ALG10: variants seen among roughly 807,000 people sequenced by gnomAD.
The protein encoded by ALG10 is ALG10 alpha-1,2-glucosyltransferase.
Under a neutral mutation model 39.2 loss-of-function variants are expected in ALG10, and 25 were observed. The ratio of observed to expected loss-of-function variants is 0.64; its 90% CI spans 0.46 to 0.89. ALG10 has a LOEUF of 0.89. ALG10 is among the 40% of genes least tolerant of loss of function. The probability of loss-of-function intolerance (pLI) is 0.00; values close to 1 mark genes in which losing one functional copy is unlikely to be tolerated. For missense variants in ALG10, 486 were observed against 546.6 expected (o/e 0.89, Z 1.11); for synonymous variants, 184 against 193.9 (o/e 0.95, Z 0.42).
intron 2 of ALG10, 99 bp from the exon 3 acceptor site, chr12:34,025,764 G>A: frequency 1.4e-6 from 2 of 1,399,196 alleles, no homozygotes; most frequent in South Asian, 1.2e-5. Flanking sequence ...GAAGGTTTGA[G>A]TAGTTGAGTA....
At position 34,026,677 on chromosome 12, in the gene ALG10, G is replaced by A; in HGVS notation, c.1184G>A (p.Trp395Ter). Reference sequence around the variant, plus strand: ...TCATTGAAATCAAAGTCAATTTTTTGGAATTTAATGTTTTTCATATGCTTG... The same window carrying A: ...TCATTGAAATCAAAGTCAATTTTTTAGAATTTAATGTTTTTCATATGCTTG... Reference protein sequence around the residue: ...ADSLKSKSIFWNLMFFICLFT... With the variant: ...ADSLKSKSIF The change falls in exon 3 of 3, where the codon TGG becomes TAG. Residue 395 changes from tryptophan (W) to a stop codon, truncating the protein, a stop_gained. Coordinates refer to ENST00000266483, the MANE Select transcript of ALG10 (RefSeq NM_032834.4). LOFTEE classifies it high-confidence loss of function. 1 of 1,613,510 alleles carries A rather than the reference G, an allele frequency of 6.2e-7. No homozygotes were observed.
rs1160860911 is a variant in ALG10, at chr12:34,026,546, T to C, written c.1053T>C (p.Asn351=). Residue 351 remains asparagine (N), a synonymous_variant, in exon 3 of 3, where the codon AAT becomes AAC. Coordinates refer to ENST00000266483, the MANE Select transcript of ALG10 (RefSeq NM_032834.4). The part of the protein sequence containing the change: ...TYAHKYLLAD[N]RHYTFYVWKR... ...CTCATAAATACTTGCTAGCAGACAA[T>C]AGACATTATACTTTCTATGTGTGGA... 4.3e-6 allele frequency: 7 copies of C among 1,613,812 alleles called. No homozygotes were observed. Among genetic ancestry groups the C allele is most frequent in the South Asian group, 1.1e-5 (1 of 91,024 alleles).
In ALG10 at chr12:34,026,943, T is replaced by C. The variant is rs1195395427; in HGVS notation, c.*28T>C. The C allele has an allele frequency of 6.2e-7, 1 of 1,605,940 alleles. No homozygotes were observed. The highest frequency in any genetic ancestry group is 8.5e-7 in the Non-Finnish European group (1 of 1,175,486). ...TCAGTGATATTTCGAACTGTGAAAA[T>C]GGACTTAATAATTAGACCATTTCTA... On this transcript the variant is annotated 3_prime_UTR_variant, in exon 3 of 3. Transcript: ENST00000266483.
At position 34,026,493 on chromosome 12, in the gene ALG10, G is replaced by A; in HGVS notation, c.1000G>A (p.Val334Met). 1 of 1,613,630 alleles carries A rather than the reference G, an allele frequency of 6.2e-7. No individual in the cohort carries two copies. Among genetic ancestry groups the A allele is most frequent in the Non-Finnish European group, 8.5e-7 (1 of 1,179,910 alleles). ...ILFFVVTLVS[V>M]FLVWKFTYAH... ...GTTTTTTGTGGTTACCTTAGTCTCT[G>A]TGTTTTTAGTTTGGAAATTCACTTA... Residue 334 changes from valine (V) to methionine (M), a missense_variant, in exon 3 of 3, where the codon GTG (valine) becomes ATG (methionine). Physicochemically the swap from Val to Met is conservative, Grantham distance 21 (BLOSUM62 1). Coordinates refer to ENST00000266483, the MANE Select transcript of ALG10 (RefSeq NM_032834.4).
Position 34,022,583 on chromosome 12 carries a change from T to C in ALG10, c.-17T>C. 2 of 1,614,048 alleles carry C rather than the reference T, an allele frequency of 1.2e-6. No homozygotes were observed. Among genetic ancestry groups the C allele is most frequent in the Non-Finnish European group, 1.7e-6 (2 of 1,179,964 alleles). On this transcript the variant is annotated 5_prime_UTR_variant, in exon 1 of 3. Transcript: ENST00000266483. ...TTTCCAGGAGTAGGTTCTTGGGCAG[T>C]GGCTGTGGGAGCTGGAATGGCGCAG...
intron 1 of ALG10, 56 bp downstream of exon 1, chr12:34,022,826 C>A (rs887023725): frequency 6.2e-7 from 1 of 1,610,270 alleles, no homozygotes; most frequent in African/African-American, 1.3e-5. Context: ...CCCAGCGTCC[C>A]CACGTCCTCC....
chr12:34,024,711 A>C (rs1942813072), intron 2 of ALG10, among the ~76,000 whole-genome samples: 1 of 152,226 alleles, frequency 6.6e-6, no homozygotes, highest in Non-Finnish European at 1.5e-5. Flanking sequence ...AAACTTAATA[A>C]ATGGAAGATG....
intron 2 of ALG10, 47 bp downstream of exon 2, chr12:34,024,206 A>C: frequency 6.3e-7 from 1 of 1,586,066 alleles, no homozygotes. Flanking sequence ...AGTCAGGTCC[A>C]CAATTACAAT....
chr12:34,024,063 C>T lies in ALG10; in HGVS notation c.273C>T (p.Cys91=). ...WIFGWSEHVV[C]SIGMLRFVNL... is the part of the protein sequence containing the mutation. ...TTGGATGGTCTGAACATGTTGTCTG[C>T]TCCATTGGGATGCTCAGATTTGTTA... is the stretch of plus-strand genomic sequence containing the variant. The change falls in exon 2 of 3, where the codon TGC becomes TGT. Residue 91 remains cysteine, a synonymous_variant. Coordinates refer to ENST00000266483, the MANE Select transcript of ALG10 (RefSeq NM_032834.4). The T allele has an allele frequency of 1.2e-6, 2 of 1,614,174 alleles. No homozygotes were observed. The highest frequency in any genetic ancestry group is 1.1e-5 in the South Asian group (1 of 91,086).
chr12:34,022,721 A>G lies in ALG10; in HGVS notation c.122A>G (p.His41Arg). Residue 41 changes from histidine (H) to arginine (R), a missense_variant, in exon 1 of 3, where the codon CAC becomes CGC. Physicochemically the swap from His to Arg is conservative, Grantham distance 29 (BLOSUM62 0). Transcript: ENST00000266483. ...GAGCCCTACATGGACGAGATCTTCC[A>G]CCTGCCTCAGGCGCAGCGCTACTGT... is the stretch of plus-strand genomic sequence containing the variant. ...LREPYMDEIF[H>R]LPQAQRYCEG... The G allele has an allele frequency of 6.2e-7, 1 of 1,613,922 alleles. No homozygotes were observed. Among genetic ancestry groups the G allele is most frequent in the Non-Finnish European group, 8.5e-7 (1 of 1,179,968 alleles).
intron 2 of ALG10, among the ~76,000 whole-genome samples, chr12:34,025,459 T>C (rs58046597): frequency 0.012 from 1,772 of 152,310 alleles, 38 homozygotes; most frequent in African/African-American, 0.039. Context: ...TGGTTCATTA[T>C]GGCTAAGTGA....
intron 1 of ALG10, 26 bp downstream of exon 1, chr12:34,022,796 C>T (rs1451677650): frequency 1.9e-6 from 3 of 1,613,872 alleles, no homozygotes; most frequent in Admixed American, 3.3e-5. Context: ...TGTCCCCACC[C>T]CAGGAGAGGC....
chr12:34,025,981 C>T lies in ALG10; in HGVS notation c.488C>T (p.Ala163Val), dbSNP rs769926406. 44 of 1,613,728 alleles carry T rather than the reference C, an allele frequency of 2.7e-5. No individual in the cohort carries two copies. Among genetic ancestry groups the T allele is most frequent in the Non-Finnish European group, 3.6e-5 (42 of 1,179,936 alleles). ...GGATCTATGTTTTTTACTCTTTTTG[C>T]GTATTTGATGTGTCTTTATGGAAAT... ...EAGSMFFTLF[A>V]YLMCLYGNHK... is the part of the protein sequence containing the mutation. Residue 163 changes from alanine (A) to valine (V), a missense_variant, in exon 3 of 3, where the codon GCG becomes GTG. Physicochemically the swap from Ala to Val is moderately conservative, Grantham distance 64. Coordinates refer to ENST00000266483, the MANE Select transcript of ALG10 (RefSeq NM_032834.4).
At chr12:34,025,416 T>G (rs985702935) in intron 2 of ALG10, among the ~76,000 whole-genome samples, 1 of 152,192 alleles carries the variant, frequency 6.6e-6, no homozygotes, top group African/African-American at 2.4e-5. Context: ...TTCTCCCTTG[T>G]GTAGAGTTAT....
rs372903050 is a variant in ALG10 at position 34,026,110 on chromosome 12, C to T, written c.617C>T (p.Thr206Met). 26 of 1,613,864 alleles carry T rather than the reference C, an allele frequency of 1.6e-5. No homozygotes were observed. Among genetic ancestry groups the T allele is most frequent in the African/African-American group, 2.7e-5 (2 of 74,892 alleles). ...GGAAATGTCATTGCACAAAAGTTAA[C>T]GGAGGCTTGGAAAACTGAGCTACAA... ...CAGNVIAQKLTEAWKTELQKK... is the reference protein window; with the variant it reads ...CAGNVIAQKLMEAWKTELQKK... Residue 206 changes from threonine to methionine, a missense_variant, in exon 3 of 3, where the codon ACG becomes ATG. Thr to Met is a moderately conservative substitution (Grantham distance 81). Transcript: ENST00000266483.
In ALG10 at chr12:34,026,386, C is replaced by G. The variant is rs1288212871; in HGVS notation, c.893C>G (p.Thr298Ser). Residue 298 changes from threonine (T) to serine (S), a missense_variant, in exon 3 of 3, where the codon ACT (threonine) becomes AGT (serine). By Grantham distance (58) the Thr-to-Ser change is moderately conservative (BLOSUM62 1). Coordinates refer to ENST00000266483, the MANE Select transcript of ALG10 (RefSeq NM_032834.4). Reference protein sequence around the residue: ...FPQLFYFFSFTLFFSFPHLLS... With the variant: ...FPQLFYFFSFSLFFSFPHLLS... Reference sequence around the variant, plus strand: ...CAACTATTCTACTTTTTTTCATTTACTCTCTTTTTTTCCTTTCCTCATCTC... The same window carrying G: ...CAACTATTCTACTTTTTTTCATTTAGTCTCTTTTTTTCCTTTCCTCATCTC... 5.0e-6 allele frequency: 8 copies of G among 1,613,776 alleles called. No homozygotes were observed. The highest frequency in any genetic ancestry group is 6.8e-6 in the Non-Finnish European group (8 of 1,179,954).
In ALG10 at chr12:34,024,062, G is replaced by A. The variant is rs760859547; in HGVS notation, c.272G>A (p.Cys91Tyr). 6 of 1,614,014 alleles carry A rather than the reference G, an allele frequency of 3.7e-6. No homozygotes were observed. Among genetic ancestry groups the A allele is most frequent in the Admixed American group, 1.7e-5 (1 of 60,006 alleles). Residue 91 changes from cysteine (C) to tyrosine (Y), a missense_variant, in exon 2 of 3, where the codon TGC becomes TAC. Physicochemically the swap from Cys to Tyr is radical, Grantham distance 194 (BLOSUM62 -2). Transcript: ENST00000266483. ...WIFGWSEHVV[C>Y]SIGMLRFVNL... ...TTTGGATGGTCTGAACATGTTGTCT[G>A]CTCCATTGGGATGCTCAGATTTGTT...
At chr12:34,024,249 C>G (rs1327177709) in intron 2 of ALG10, 90 bp downstream of exon 2, 6 of 1,452,628 alleles carry the variant, frequency 4.1e-6, no homozygotes, top group Non-Finnish European at 3.8e-6. Flanking sequence ...TGAAAAATGT[C>G]TTTAACACTT....
rs758004112 is a variant in ALG10 at position 34,025,954 on chromosome 12, C to T, written c.461C>T (p.Ala154Val). ...TTTAACTTCCTTTATTATACAGAAG[C>T]AGGATCTATGTTTTTTACTCTTTTT... ...YFFNFLYYTE[A>V]GSMFFTLFAY... Residue 154 changes from alanine to valine, a missense_variant, in exon 3 of 3, where the codon GCA (alanine) becomes GTA (valine). Physicochemically the swap from Ala to Val is moderately conservative, Grantham distance 64. Coordinates refer to ENST00000266483, the MANE Select transcript of ALG10 (RefSeq NM_032834.4). 1.4e-5 allele frequency: 22 copies of T among 1,613,954 alleles called. 1 individual carries two copies. In the South Asian group the frequency reaches 2.2e-4, roughly 16 times the overall value.
Sources: allele counts gnomAD v4.1 joint callset (sites outside exome capture counted in the v4.1 genomes callset), GRCh38; gene constraint gnomAD v4.1.1; transcripts MANE v1.5; gene names NCBI Gene and HGNC (gene_info 2026-07-23, HGNC 2026-07-21).